The following GRM7 variants were observed in gnomAD, a reference collection of about 807,000 sequenced individuals.
GRM7 encodes metabotropic glutamate receptor 7.
A neutral mutation model predicts 84.5 loss-of-function variants in GRM7; 35 were observed. The observed-to-expected ratio is 0.41, with a 90% CI of 0.32 to 0.55. The LOEUF is 0.55. GRM7 is among the 20% of genes least tolerant of loss of function. The pLI, the probability that GRM7 is intolerant of heterozygous loss-of-function variation, is 0.19. For synonymous variants in GRM7, 487 were observed against 455.1 expected (o/e 1.07, Z -0.89); for missense variants, 1,003 against 1,194.6 (o/e 0.84, Z 2.36).
At position 7,360,212 on chromosome 3, in the gene GRM7, G is replaced by C. The variant is rs1211244744; in HGVS notation, c.1033+53560G>C. Among the ~76,000 whole-genome samples, 2 of 144,032 alleles carry C rather than the reference G, an allele frequency of 1.4e-5. 1 individual carries two copies. Among genetic ancestry groups the C allele is most frequent in the South Asian group, 4.3e-4 (2 of 4,600 alleles). 94.5% of individuals were successfully genotyped at this position (144,032 alleles called of 152,430 possible). On this transcript the variant is annotated intron_variant, in intron 4 of 9. Transcript: ENST00000357716. ...GTAGAGAGAGAATAATGACTAAATG[G>C]GTCTTTGAATAAACCTAAATTTGTT...
At chr3:7,220,478 G>A (rs944498707) in intron 2 of GRM7, among the ~76,000 whole-genome samples, 2 of 152,088 alleles carry the variant, frequency 1.3e-5, no homozygotes, top group Non-Finnish European at 2.9e-5. Context: ...ACTCCTCAAA[G>A]CTACCAAAGG....
intron 1 of GRM7, among the ~76,000 whole-genome samples, chr3:6,931,733 C>T (rs184729768): frequency 1.5e-3 from 236 of 152,318 alleles, no homozygotes; most frequent in African/African-American, 5.3e-3. Context: ...TTATTACCCC[C>T]TGCACCAAAT....
chr3:7,637,506 G>C (rs894619840), intron 8 of GRM7, among the ~76,000 whole-genome samples: 4 of 152,162 alleles, frequency 2.6e-5, no homozygotes, highest in African/African-American at 7.2e-5. Context: ...CAGACACGAA[G>C]AATTCCTAAA....
At chr3:7,093,950 A>G (rs1698765492) in intron 1 of GRM7, among the ~76,000 whole-genome samples, 1 of 152,084 alleles carries the variant, frequency 6.6e-6, no homozygotes, top group Non-Finnish European at 1.5e-5. Flanking sequence ...TTGCATATGT[A>G]TTTTTCTTGC....
chr3:7,061,098 T>C (rs912600101), intron 1 of GRM7, among the ~76,000 whole-genome samples: 2 of 151,796 alleles, frequency 1.3e-5, no homozygotes, highest in Non-Finnish European at 2.9e-5. Context: ...TTAAGATTTA[T>C]ATGTGGGCAG....
chr3:7,387,523 T>C (rs2125136659), intron 4 of GRM7, among the ~76,000 whole-genome samples: 1 of 152,264 alleles, frequency 6.6e-6, no homozygotes, highest in Non-Finnish European at 1.5e-5. Context: ...TCACTTTCCC[T>C]TGTACCATTA....
intron 1 of GRM7, among the ~76,000 whole-genome samples, chr3:7,015,783 C>T (rs1294552583): frequency 6.6e-6 from 1 of 152,180 alleles, no homozygotes; most frequent in Non-Finnish European, 1.5e-5. Context: ...CTTGAGTGTC[C>T]TTACAACATG....
At chr3:7,346,659 A>G (rs930995065) in intron 4 of GRM7, among the ~76,000 whole-genome samples, 1 of 131,548 alleles carries the variant, frequency 7.6e-6, no homozygotes, top group Non-Finnish European at 1.7e-5. Context: ...TATTTTCTTT[A>G]TTCTTCCTAT....
chr3:7,645,546 TAAAA>T (rs71043684), intron 8 of GRM7, among the ~76,000 whole-genome samples: 127 of 87,776 alleles, frequency 1.4e-3, no homozygotes, highest in Middle Eastern at 6.1e-3. Flanking sequence ...GACTCCATCT[TAAAA>T]AAAAAAAAAA....
intron 9 of GRM7, among the ~76,000 whole-genome samples, chr3:7,713,134 T>C (rs2324210): frequency 0.012 from 988 of 83,170 alleles, 22 homozygotes; most frequent in East Asian, 0.062. Flanking sequence ...GTTTTTTTTT[T>C]TTTTTTTTTT....
At chr3:7,049,825 C>T (rs1418382979) in intron 1 of GRM7, among the ~76,000 whole-genome samples, 6 of 151,760 alleles carry the variant, frequency 4.0e-5, no homozygotes, top group Admixed American at 4.0e-4. Flanking sequence ...GGAGATTACC[C>T]AAACAAAGTA....
At chr3:7,383,520 A>G (rs576641347) in intron 4 of GRM7, among the ~76,000 whole-genome samples, 78 of 152,342 alleles carry the variant, frequency 5.1e-4, no homozygotes, top group Non-Finnish European at 9.1e-4. Context: ...CTGTTTATAT[A>G]CATACTTCTC....
intron 8 of GRM7, among the ~76,000 whole-genome samples, chr3:7,669,307 C>T (rs1449070432): frequency 6.6e-6 from 1 of 152,110 alleles, no homozygotes; most frequent in Non-Finnish European, 1.5e-5. Context: ...AAGGCAGAGT[C>T]CTGAAAGACA....
At chr3:6,955,068 G>C (rs1049798720) in intron 1 of GRM7, among the ~76,000 whole-genome samples, 7 of 152,170 alleles carry the variant, frequency 4.6e-5, no homozygotes, top group African/African-American at 1.7e-4. Context: ...TTAATTGCGT[G>C]TAAAAATTCT....
chr3:7,228,143 A>T (rs6765347), intron 2 of GRM7, among the ~76,000 whole-genome samples: 4 of 151,980 alleles, frequency 2.6e-5, no homozygotes, highest in Non-Finnish European at 2.9e-5. Context: ...CCCCACCTTC[A>T]GACCTGTGGG....
At chr3:6,977,827 C>A (rs372164089) in intron 1 of GRM7, among the ~76,000 whole-genome samples, 1 of 152,104 alleles carries the variant, frequency 6.6e-6, no homozygotes, top group Admixed American at 6.5e-5. Flanking sequence ...TAAAGTAGTC[C>A]TAACTGATAG....
chr3:7,004,039 T>C (rs528243510), intron 1 of GRM7, among the ~76,000 whole-genome samples: 1 of 152,176 alleles, frequency 6.6e-6, no homozygotes, highest in Non-Finnish European at 1.5e-5. Context: ...AGCTTGAGTG[T>C]TTTTGCATAA....
chr3:7,623,841 G>A lies in GRM7; in HGVS notation c.2451+44484G>A, dbSNP rs77897035. Among the ~76,000 whole-genome samples the A allele has an allele frequency of 7.6e-3, 1,164 of 152,242 alleles. 13 individuals are homozygous for A. Among genetic ancestry groups the A allele is most frequent in the African/African-American group, 0.027 (1,106 of 41,566 alleles). ...AACAGAACTGAGGGTCCTACAAGATGGACAGGAGTTTATTCTACAGAGAAA... is the reference window on the plus strand; with the variant it reads ...AACAGAACTGAGGGTCCTACAAGATAGACAGGAGTTTATTCTACAGAGAAA... On this transcript the variant is annotated intron_variant, in intron 8 of 9. Transcript: ENST00000357716.
At chr3:7,195,733 G>C (rs918820042) in intron 2 of GRM7, among the ~76,000 whole-genome samples, 1 of 152,100 alleles carries the variant, frequency 6.6e-6, no homozygotes, top group Non-Finnish European at 1.5e-5. Context: ...CTTTGGGGAG[G>C]CTGTGAATCC....
Sources: allele counts gnomAD v4.1 joint callset (sites outside exome capture counted in the v4.1 genomes callset), GRCh38; gene constraint gnomAD v4.1.1; transcripts MANE v1.5; gene names NCBI Gene and HGNC (gene_info 2026-07-23, HGNC 2026-07-21).